NKAIN3: variants seen among roughly 807,000 people sequenced by gnomAD.
NKAIN3 encodes sodium/potassium transporting ATPase interacting 3.
In NKAIN3, 25 loss-of-function variants were observed where a neutral mutation model predicts 30.2. That is an observed-to-expected ratio of 0.83 (90% CI 0.60 to 1.16). NKAIN3 has a LOEUF of 1.16. NKAIN3 is among the 50% of genes most tolerant of loss of function. The pLI, the probability that NKAIN3 is intolerant of heterozygous loss-of-function variation, is 0.00. For missense variants in NKAIN3, 225 were observed against 254.1 expected, an observed-to-expected ratio of 0.89 and a Z score of 0.78; for synonymous variants, 91 against 89.6, an observed-to-expected ratio of 1.02 and a Z score of -0.09.
In NKAIN3 at chr8:62,538,744, G is replaced by C. The variant is rs567122749; in HGVS notation, c.55-40795G>C. On this transcript the variant is annotated intron_variant, in intron 1 of 6. Transcript: ENST00000623646. ...TGGTCTCCGTGTTCTTGTTTTGTCA[G>C]TATGTTCCTATACATTACATAGCAC... Among the ~76,000 whole-genome samples, 3 of 152,216 alleles carry C rather than the reference G, an allele frequency of 2.0e-5. No individual in the cohort carries two copies. The South Asian group carries it at 6.2e-4, about 32-fold the overall frequency.
chr8:62,735,068 A>G (rs1470147432), intron 3 of NKAIN3, among the ~76,000 whole-genome samples: 1 of 152,146 alleles, frequency 6.6e-6, no homozygotes, highest in Non-Finnish European at 1.5e-5. Context: ...TACACTAATG[A>G]CTATGTGCCT....
chr8:62,428,522 CT>C (rs1252625493), intron 1 of NKAIN3, among the ~76,000 whole-genome samples: 1 of 151,832 alleles, frequency 6.6e-6, no homozygotes, highest in South Asian at 2.1e-4. Flanking sequence ...ATCTTTTTGA[CT>C]TTTTGATAAT....
At chr8:62,620,481 T>C (rs1359272542) in intron 3 of NKAIN3, among the ~76,000 whole-genome samples, 4 of 152,130 alleles carry the variant, frequency 2.6e-5, no homozygotes, top group Admixed American at 6.5e-5. Context: ...TACAGAAGTA[T>C]ATTAGCAATT....
chr8:62,762,624 G>A (rs1415736022), intron 4 of NKAIN3, among the ~76,000 whole-genome samples: 1 of 152,190 alleles, frequency 6.6e-6, no homozygotes, highest in East Asian at 1.9e-4. Context: ...GGCTATCACA[G>A]TAGACCACAT....
chr8:62,306,949 G>A (rs1814265821), intron 1 of NKAIN3, among the ~76,000 whole-genome samples: 1 of 150,070 alleles, frequency 6.7e-6, no homozygotes, highest in African/African-American at 2.5e-5. Flanking sequence ...TTCTGCAACA[G>A]TTTTATTTCT....
intron 1 of NKAIN3, among the ~76,000 whole-genome samples, chr8:62,509,682 C>G (rs1030825024): frequency 5.9e-5 from 9 of 152,170 alleles, no homozygotes; most frequent in African/African-American, 2.4e-5. Context: ...GCTATTAACT[C>G]TTTCCTCTGA....
chr8:62,497,051 A>T (rs913690834), intron 1 of NKAIN3, among the ~76,000 whole-genome samples: 20 of 151,834 alleles, frequency 1.3e-4, no homozygotes, highest in South Asian at 8.3e-4. Flanking sequence ...CTTTTTTTTT[A>T]AAAAAGACAT....
intron 3 of NKAIN3, among the ~76,000 whole-genome samples, chr8:62,629,724 G>A (rs1317990940): frequency 6.6e-6 from 1 of 152,042 alleles, no homozygotes; most frequent in Non-Finnish European, 1.5e-5. Flanking sequence ...TAAAATTGTT[G>A]AACTATGATG....
At chr8:62,784,223 C>G (rs1817445080) in intron 4 of NKAIN3, among the ~76,000 whole-genome samples, 2 of 151,636 alleles carry the variant, frequency 1.3e-5, no homozygotes, top group Non-Finnish European at 1.5e-5. Context: ...CTTCAAGTAA[C>G]TAGAAGAAGT....
At chr8:62,355,530 A>G (rs944938308) in intron 1 of NKAIN3, among the ~76,000 whole-genome samples, 1 of 152,210 alleles carries the variant, frequency 6.6e-6, no homozygotes, top group African/African-American at 2.4e-5. Flanking sequence ...GTAACTCAGC[A>G]TCACAGATGA....
intron 5 of NKAIN3, among the ~76,000 whole-genome samples, chr8:62,933,912 A>G (rs1329195539): frequency 6.6e-6 from 1 of 152,226 alleles, no homozygotes; most frequent in Non-Finnish European, 1.5e-5. Flanking sequence ...TTGAAAAATT[A>G]CAAAAACTTT....
chr8:62,269,905 T>C lies in NKAIN3; in HGVS notation c.54+20778T>C, dbSNP rs867892125. ...AAAACAAAACATGGGGTATAATAAGTCTATCTATTCTCTAAAAATTTCCAT... is the reference window on the plus strand; with the variant it reads ...AAAACAAAACATGGGGTATAATAAGCCTATCTATTCTCTAAAAATTTCCAT... On this transcript the variant is annotated intron_variant, in intron 1 of 6. Coordinates refer to ENST00000623646, the MANE Select transcript of NKAIN3 (RefSeq NM_001304533.3). Among the ~76,000 whole-genome samples, 5 of 152,132 alleles carry C rather than the reference T, an allele frequency of 3.3e-5. No homozygotes were observed. In the South Asian group the frequency reaches 6.2e-4, roughly 19 times the overall value.
intron 1 of NKAIN3, among the ~76,000 whole-genome samples, chr8:62,452,497 TAAAC>T (rs545794653): frequency 6.2e-4 from 93 of 150,682 alleles, no homozygotes; most frequent in African/African-American, 1.5e-3. Context: ...AATAAATAAA[TAAAC>T]AAACAAACAA....
chr8:62,431,455 G>A (rs1221557603), intron 1 of NKAIN3, among the ~76,000 whole-genome samples: 1 of 151,738 alleles, frequency 6.6e-6, no homozygotes, highest in African/African-American at 2.4e-5. Context: ...AGTTCTGGCT[G>A]AACCCATTTG....
At chr8:62,549,391 T>A (rs1220709036) in intron 1 of NKAIN3, among the ~76,000 whole-genome samples, 3 of 152,002 alleles carry the variant, frequency 2.0e-5, no homozygotes, top group Non-Finnish European at 1.5e-5. Context: ...TAATTTAAAA[T>A]TTTTTTTTCC....
chr8:62,879,996 G>A (rs909115277), intron 4 of NKAIN3, among the ~76,000 whole-genome samples: 5 of 152,182 alleles, frequency 3.3e-5, no homozygotes, highest in African/African-American at 9.7e-5. Flanking sequence ...GCAATGAAGA[G>A]GTGGCAGAAG....
chr8:62,428,072 C>T (rs1033804431), intron 1 of NKAIN3, among the ~76,000 whole-genome samples: 18 of 151,912 alleles, frequency 1.2e-4, no homozygotes, highest in African/African-American at 4.1e-4. Flanking sequence ...TTAGCTTCTA[C>T]GTGTGCATGA....
chr8:62,539,674 C>T (rs972823056), intron 1 of NKAIN3, among the ~76,000 whole-genome samples: 2 of 152,148 alleles, frequency 1.3e-5, no homozygotes, highest in Admixed American at 6.5e-5. Flanking sequence ...ACCACATCCT[C>T]GATCGCGTGA....
At chr8:62,598,101 A>T (rs754467143) in intron 3 of NKAIN3, among the ~76,000 whole-genome samples, 6 of 152,006 alleles carry the variant, frequency 3.9e-5, no homozygotes, top group Non-Finnish European at 8.8e-5. Flanking sequence ...CTTACTCCTT[A>T]GTTTAGCAAG....
Sources: gnomAD v4.1 joint callset for allele counts (sites outside exome capture counted in the v4.1 genomes callset) on GRCh38, gnomAD v4.1.1 for gene constraint, MANE v1.5 for transcripts, NCBI Gene and HGNC (gene_info 2026-07-23, HGNC 2026-07-21) for gene names.